Variants in CNBD1 observed in about 807,000 individuals in gnomAD.
CNBD1 encodes cyclic nucleotide binding domain containing 1, also known as cyclic nucleotide-binding domain-containing protein 1.
Under a neutral mutation model 54.4 loss-of-function variants are expected in CNBD1, and 71 were observed. The observed-to-expected ratio is 1.30, with a 90% CI of 1.08 to 1.59. The LOEUF is 1.59. Ranked by LOEUF, CNBD1 falls within the 40% of genes most tolerant of loss-of-function variation. CNBD1 has a pLI of 0.00. For synonymous variants in CNBD1, 182 were observed against 170.7 expected, an observed-to-expected ratio of 1.07 and a Z score of -0.51; for missense variants, 659 against 518.0, an observed-to-expected ratio of 1.27 and a Z score of -2.64.
chr8:86,874,622 T>TA (rs1446965124), intron 1 of CNBD1, among the ~76,000 whole-genome samples: 1 of 152,138 alleles, frequency 6.6e-6, no homozygotes, highest in Non-Finnish European at 1.5e-5. Flanking sequence ...TTATTTGGGT[T>TA]AAAAAATAAA....
At chr8:87,340,536 A>T (rs941272281) in intron 8 of CNBD1, among the ~76,000 whole-genome samples, 1 of 152,060 alleles carries the variant, frequency 6.6e-6, no homozygotes, top group Non-Finnish European at 1.5e-5. Flanking sequence ...CATAATGCAC[A>T]TGTTGGTCAC....
At chr8:87,178,565 C>T (rs745715920) in intron 4 of CNBD1, among the ~76,000 whole-genome samples, 1 of 152,172 alleles carries the variant, frequency 6.6e-6, no homozygotes, top group Non-Finnish European at 1.5e-5. Context: ...TGTAAAACCT[C>T]AGCCATTTTT....
intron 10 of CNBD1, among the ~76,000 whole-genome samples, chr8:87,369,983 T>G (rs1321210943): frequency 6.6e-6 from 1 of 152,056 alleles, no homozygotes; most frequent in Non-Finnish European, 1.5e-5. Flanking sequence ...CAGTGTTTGG[T>G]TTTTTGTCCC....
intron 4 of CNBD1, among the ~76,000 whole-genome samples, chr8:86,943,365 C>CAAAAAAAAAAAAAAAAAAAAAAAAAAAAA: frequency 3.1e-5 from 1 of 32,578 alleles, no homozygotes; most frequent in Non-Finnish European, 6.0e-5. Context: ...GACTCCATCT[C>CAAAAAAAAAAAAAAAAAAAAAAAAAAAAA]AAAAAAAAAA....
intron 4 of CNBD1, among the ~76,000 whole-genome samples, chr8:87,131,574 G>A (rs552183951): frequency 1.3e-5 from 2 of 151,962 alleles, no homozygotes; most frequent in East Asian, 3.9e-4. Flanking sequence ...TATAAACATT[G>A]CTGTAGTTGT....
chr8:87,372,945 A>AT (rs1810847621), intron 10 of CNBD1, among the ~76,000 whole-genome samples: 1 of 151,446 alleles, frequency 6.6e-6, no homozygotes. Flanking sequence ...AACTCCTGTG[A>AT]TTTTTTTCTT....
At chr8:87,310,920 C>G (rs1020607337) in intron 8 of CNBD1, among the ~76,000 whole-genome samples, 1 of 152,036 alleles carries the variant, frequency 6.6e-6, no homozygotes, top group Non-Finnish European at 1.5e-5. Context: ...AAACTGGACC[C>G]CTTCTTTTCA....
At chr8:87,087,730 T>C (rs1490321666) in intron 4 of CNBD1, among the ~76,000 whole-genome samples, 2 of 152,132 alleles carry the variant, frequency 1.3e-5, no homozygotes, top group African/African-American at 2.4e-5. Context: ...CCTCCCAAAG[T>C]GCTGGGATTA....
intron 4 of CNBD1, among the ~76,000 whole-genome samples, chr8:87,125,709 TA>T (rs1027549238): frequency 1.3e-5 from 2 of 151,880 alleles, no homozygotes; most frequent in African/African-American, 4.8e-5. Flanking sequence ...CTGTTCATAT[TA>T]AAAGTATATA....
chr8:87,093,076 C>T (rs532322118), intron 4 of CNBD1, among the ~76,000 whole-genome samples: 1 of 152,140 alleles, frequency 6.6e-6, no homozygotes, highest in Admixed American at 6.5e-5. Flanking sequence ...ACAATCTTTT[C>T]TTCTCCCTCT....
chr8:87,072,904 TC>T (rs1810788316), intron 4 of CNBD1, among the ~76,000 whole-genome samples: 1 of 152,192 alleles, frequency 6.6e-6, no homozygotes, highest in Admixed American at 6.5e-5. Flanking sequence ...TAGTATGTTT[TC>T]CAACTTGGTT....
intron 4 of CNBD1, among the ~76,000 whole-genome samples, chr8:87,159,030 T>A (rs866145040): frequency 6.6e-6 from 1 of 152,208 alleles, no homozygotes; most frequent in Non-Finnish European, 1.5e-5. Context: ...CATTTTTTTG[T>A]AAGATCTAAG....
intron 5 of CNBD1, among the ~76,000 whole-genome samples, chr8:87,212,236 A>G (rs112788076): frequency 6.6e-5 from 10 of 152,286 alleles, no homozygotes; most frequent in African/African-American, 2.2e-4. Flanking sequence ...AAGTAATCCA[A>G]TATTCATTGA....
At chr8:87,427,339 T>A (rs1489917699) in intron 2 of CNBD1, among the ~76,000 whole-genome samples, 1 of 152,208 alleles carries the variant, frequency 6.6e-6, no homozygotes, top group Non-Finnish European at 1.5e-5. Context: ...GAGCAGTATG[T>A]ATTAGTTTTC....
At chr8:86,900,490 C>A (rs1455832186) in intron 2 of CNBD1, among the ~76,000 whole-genome samples, 3 of 152,110 alleles carry the variant, frequency 2.0e-5, no homozygotes, top group African/African-American at 7.2e-5. Context: ...AGGCTTCTAG[C>A]CCTGTGATTT....
intron 4 of CNBD1, among the ~76,000 whole-genome samples, chr8:87,140,313 A>G (rs1812346539): frequency 6.6e-6 from 1 of 152,176 alleles, no homozygotes; most frequent in South Asian, 2.1e-4. Context: ...GTATTCGATC[A>G]AAGCCACAAA....
chr8:87,412,445 C>A (rs1269437366), intron 2 of CNBD1, among the ~76,000 whole-genome samples: 1 of 152,048 alleles, frequency 6.6e-6, no homozygotes, highest in African/African-American at 2.4e-5. Flanking sequence ...CTATCATGTG[C>A]AAGTGATTTT....
At chr8:87,251,546 C>A (rs1807917428) in intron 6 of CNBD1, among the ~76,000 whole-genome samples, 3 of 150,402 alleles carry the variant, frequency 2.0e-5, no homozygotes, top group African/African-American at 7.4e-5. Flanking sequence ...CAAGATTGCG[C>A]CATTGCACTC....
At chr8:87,270,142 G>A (rs532926497) in intron 6 of CNBD1, among the ~76,000 whole-genome samples, 1 of 151,758 alleles carries the variant, frequency 6.6e-6, no homozygotes, top group African/African-American at 2.4e-5. Flanking sequence ...CACATAAATA[G>A]AATTAATAAT....
Sources: allele counts gnomAD v4.1 joint callset (sites outside exome capture counted in the v4.1 genomes callset), GRCh38; gene constraint gnomAD v4.1.1; transcripts MANE v1.5; gene names NCBI Gene and HGNC (gene_info 2026-07-23, HGNC 2026-07-21).